The following PRKDC variants were observed in gnomAD, a reference collection of about 807,000 sequenced individuals.
The protein encoded by PRKDC is DNA-dependent protein kinase catalytic subunit.
A neutral mutation model predicts 486.9 loss-of-function variants in PRKDC; 82 were observed. That is an observed-to-expected ratio of 0.17 (90% CI 0.14 to 0.20). The LOEUF (loss-of-function observed/expected upper bound fraction) is 0.20, where lower values mean the gene tolerates loss of function less well. Among genes scored for constraint, PRKDC ranks in the 10% least tolerant of loss-of-function variants. PRKDC has a pLI of 1.00. For missense variants in PRKDC, 4,504 were observed against 5,038.2 expected (o/e 0.89, Z 3.21); for synonymous variants, 1,895 against 1,837.0 (o/e 1.03, Z -0.81).
chr8:47,950,538 A>T (rs1025590031), intron 7 of PRKDC, among the ~76,000 whole-genome samples: 2 of 150,288 alleles, frequency 1.3e-5, no homozygotes, highest in Non-Finnish European at 3.0e-5. Flanking sequence ...CTTAGGCGGG[A>T]GAATGGCGTG....
At chr8:47,894,170 AC>A (rs1357078910) in intron 30 of PRKDC, among the ~76,000 whole-genome samples, 1 of 152,060 alleles carries the variant, frequency 6.6e-6, no homozygotes, top group Non-Finnish European at 1.5e-5. Context: ...GGTCTCAGCT[AC>A]TCAGGAGGCT....
chr8:47,838,176 C>CACAT lies in PRKDC; in HGVS notation c.7554-761_7554-758dup, dbSNP rs537110779. Among the ~76,000 whole-genome samples, 147 of 151,714 alleles carry CACAT rather than the reference C, an allele frequency of 9.7e-4. 1 individual carries two copies. The highest frequency in any genetic ancestry group is 3.4e-3 in the African/African-American group (139 of 41,346). On this transcript the variant is annotated intron_variant, in intron 56 of 85. Transcript: ENST00000314191. ...AATAAATGTATGTATGTAGTTGGTGCACATACATACATACATACCAAATTA... is the reference window on the plus strand; with the variant it reads ...AATAAATGTATGTATGTAGTTGGTGCACATACATACATACATACATACCAAATTA...
At position 47,936,428 on chromosome 8, in the gene PRKDC, G is replaced by A. The variant is rs1269983241; in HGVS notation, c.1203C>T (p.Asp401=). 1.1e-5 allele frequency: 17 copies of A among 1,613,922 alleles called. No individual in the cohort carries two copies. In the Admixed American group the frequency reaches 1.3e-4, roughly 13 times the overall value. The part of the protein sequence containing the change: ...RCKQMFLTQT[D]TGDDRVYQMP... The stretch of plus-strand genomic sequence containing the variant: ...TCTGATAAACACGGTCGTCACCAGT[G>A]TCTGTCTGGGTGAGGAACATCTGCT... The change falls in exon 12 of 86, where the codon GAC becomes GAT. Residue 401 remains aspartate (D), a synonymous_variant. Transcript: ENST00000314191.
intron 1 of PRKDC, among the ~76,000 whole-genome samples, chr8:47,958,724 T>C (rs529994593): frequency 7.9e-5 from 12 of 151,984 alleles, no homozygotes; most frequent in African/African-American, 2.7e-4. Flanking sequence ...ATAGGATACA[T>C]GTATATAGCA....
intron 16 of PRKDC, 132 bp downstream of exon 16, chr8:47,932,888 A>C: frequency 1.5e-6 from 1 of 655,308 alleles, no homozygotes; most frequent in Non-Finnish European, 2.5e-6. Context: ...CATCAGTGGC[A>C]CATAATAATC....
At chr8:47,794,549 ATC>A in intron 73 of PRKDC, 48 bp from the exon 74 acceptor site, 1 of 1,427,272 alleles carries the variant, frequency 7.0e-7, no homozygotes, top group Non-Finnish European at 9.6e-7. Flanking sequence ...ATCTCACATC[ATC>A]TGTTATAAAA....
At chr8:47,871,870 C>A (rs1300458584) in intron 40 of PRKDC, among the ~76,000 whole-genome samples, 1 of 152,102 alleles carries the variant, frequency 6.6e-6, no homozygotes, top group Non-Finnish European at 1.5e-5. Context: ...GGATTACAGG[C>A]GTGAGCCACC....
At chr8:47,807,008 A>G (rs1385922370) in intron 69 of PRKDC, 129 bp downstream of exon 69, 6 of 971,488 alleles carry the variant, frequency 6.2e-6, no homozygotes, top group Non-Finnish European at 7.2e-6. Flanking sequence ...GTTTACTTAT[A>G]AAGAGAGAAA....
intron 4 of PRKDC, 71 bp downstream of exon 4, chr8:47,955,803 C>T (rs2090691185): frequency 7.7e-7 from 1 of 1,292,014 alleles, no homozygotes; most frequent in Non-Finnish European, 1.1e-6. Context: ...CAAAACACAA[C>T]TCAAAACTCT....
At chr8:47,783,656 G>T in intron 78 of PRKDC, 86 bp downstream of exon 78, 2 of 1,293,892 alleles carry the variant, frequency 1.5e-6, no homozygotes, top group South Asian at 1.2e-5. Flanking sequence ...ATGGGCCGTT[G>T]TCTCATATAC....
At chr8:47,814,601 A>G (rs2087402838) in intron 68 of PRKDC, among the ~76,000 whole-genome samples, 1 of 152,028 alleles carries the variant, frequency 6.6e-6, no homozygotes, top group Non-Finnish European at 1.5e-5. Flanking sequence ...AAAAAACATA[A>G]AATACTTAGG....
intron 54 of PRKDC, 113 bp from the exon 55 acceptor site, chr8:47,840,302 G>A (rs1263547132): frequency 1.5e-5 from 11 of 742,432 alleles, no homozygotes; most frequent in South Asian, 6.3e-5. Context: ...AATAGATAAC[G>A]CTACACTTAT....
chr8:47,873,261 G>C (rs2089001552), intron 40 of PRKDC, among the ~76,000 whole-genome samples: 1 of 148,714 alleles, frequency 6.7e-6, no homozygotes, highest in Non-Finnish European at 1.5e-5. Context: ...AATAGGCCAA[G>C]CGAGTTGGCT....
Position 47,953,868 on chromosome 8 carries a change from C to T in PRKDC, c.560G>A (p.Ser187Asn), listed in dbSNP as rs1425750261. 4 of 1,566,108 alleles carry T rather than the reference C, an allele frequency of 2.6e-6. No homozygotes were observed. The highest frequency in any genetic ancestry group is 3.5e-6 in the Non-Finnish European group (4 of 1,153,310). ...GTTTTCTGCATTATTTATCATCTCA[C>T]TAGGATGAACTTCACCCAATAATCC... is the stretch of plus-strand genomic sequence containing the variant. ...LLGLLGEVHPSEMINNAENLF... is the reference protein window; with the variant it reads ...LLGLLGEVHPNEMINNAENLF... Residue 187 changes from serine (S) to asparagine (N), a missense_variant, in exon 6 of 86, where the codon AGT becomes AAT. Around this residue, in one of 6 missense-constraint regions of PRKDC, gnomAD observed 1,969 missense variants for 2,068.9 expected, o/e 0.95. Transcript: ENST00000314191.
At chr8:47,938,405 C>T (rs2090389286) in intron 11 of PRKDC, among the ~76,000 whole-genome samples, 1 of 144,258 alleles carries the variant, frequency 6.9e-6, no homozygotes, top group Admixed American at 7.0e-5. Flanking sequence ...AAGCGAAACT[C>T]CAACTCAAAA....
rs764238363 is a variant in PRKDC, at chr8:47,787,585, A to T, written c.10902+1321T>A. The stretch of plus-strand genomic sequence containing the variant: ...AGGTACTAGAAATAAAACTCCAAAC[A>T]CATCTCCTGCCTGAAAGGAACAAGG... On this transcript the variant is annotated intron_variant, in intron 76 of 85. Coordinates refer to ENST00000314191, the MANE Select transcript of PRKDC (RefSeq NM_006904.7). 4.3e-4 allele frequency among the ~76,000 whole-genome samples: 66 copies of T among 152,362 alleles called. No homozygotes were observed. In the Middle Eastern group the frequency reaches 0.01, roughly 24 times the overall value.
At chr8:47,919,544 G>T (rs535444778) in intron 21 of PRKDC, among the ~76,000 whole-genome samples, 1 of 152,180 alleles carries the variant, frequency 6.6e-6, no homozygotes, top group East Asian at 1.9e-4. Context: ...GAGCTGCGCC[G>T]CGGGAGGGCA....
chr8:47,947,141 C>T (rs894110078), intron 7 of PRKDC, among the ~76,000 whole-genome samples: 1 of 152,184 alleles, frequency 6.6e-6, no homozygotes, highest in African/African-American at 2.4e-5. Flanking sequence ...AAGCACAGGG[C>T]TAGAGACTGG....
intron 27 of PRKDC, among the ~76,000 whole-genome samples, chr8:47,901,422 C>T (rs961422388): frequency 2.6e-5 from 4 of 151,758 alleles, no homozygotes; most frequent in African/African-American, 7.3e-5. Context: ...TGCAGTGAGC[C>T]GAGATCGCAC....
Sources: gnomAD v4.1 joint callset for allele counts (sites outside exome capture counted in the v4.1 genomes callset) on GRCh38, gnomAD v4.1.1 for gene constraint, gnomAD v4.1.1 regional missense constraint, MANE v1.5 for transcripts, NCBI Gene and HGNC (gene_info 2026-07-23, HGNC 2026-07-21) for gene names.